The following SLC24A3 variants were observed in gnomAD, a reference collection of about 807,000 sequenced individuals.
The protein encoded by SLC24A3 is sodium/potassium/calcium exchanger 3.
In SLC24A3, 28 loss-of-function variants were observed where a neutral mutation model predicts 75.8. That is an observed-to-expected ratio of 0.37 (90% confidence interval 0.27 to 0.51). The LOEUF is 0.51. Among genes scored for constraint, SLC24A3 ranks in the 20% least tolerant of loss-of-function variants. The pLI is 0.94. For missense variants in SLC24A3, 663 were observed against 847.8 expected (o/e 0.78, Z 2.71); for synonymous variants, 372 against 334.1 (o/e 1.11, Z -1.24).
At chr20:19,582,791 A>G (rs1458004807) in intron 4 of SLC24A3, among the ~76,000 whole-genome samples, 2 of 152,186 alleles carry the variant, frequency 1.3e-5, no homozygotes, top group Non-Finnish European at 2.9e-5. Flanking sequence ...CATTTCAGGA[A>G]GAAGAGTGAA....
At chr20:19,684,623 C>T (rs915058954) in intron 11 of SLC24A3, among the ~76,000 whole-genome samples, 1 of 152,158 alleles carries the variant, frequency 6.6e-6, no homozygotes, top group African/African-American at 2.4e-5. Context: ...AATAAAGCCC[C>T]CTGATATGAA....
At chr20:19,661,023 G>A (rs576785182) in intron 7 of SLC24A3, among the ~76,000 whole-genome samples, 15 of 152,308 alleles carry the variant, frequency 9.8e-5, no homozygotes, top group African/African-American at 3.1e-4. Flanking sequence ...TGCTTGGACA[G>A]GGAAGTGCAT....
At chr20:19,360,806 A>G (rs905175539) in intron 2 of SLC24A3, among the ~76,000 whole-genome samples, 3 of 151,508 alleles carry the variant, frequency 2.0e-5, no homozygotes, top group Non-Finnish European at 2.9e-5. Context: ...TCAAAACCCT[A>G]TTGAAGTACT....
chr20:19,411,897 A>G (rs981657179), intron 2 of SLC24A3, among the ~76,000 whole-genome samples: 1 of 152,142 alleles, frequency 6.6e-6, no homozygotes, highest in Non-Finnish European at 1.5e-5. Context: ...CTTTGTGTTC[A>G]TCTCAGGACT....
At chr20:19,713,046 T>C (rs921548029) in intron 15 of SLC24A3, among the ~76,000 whole-genome samples, 7 of 152,234 alleles carry the variant, frequency 4.6e-5, no homozygotes, top group Admixed American at 3.3e-4. Flanking sequence ...CATGGGTGTA[T>C]GCATTTCTCA....
intron 2 of SLC24A3, among the ~76,000 whole-genome samples, chr20:19,459,120 A>G (rs1420571606): frequency 1.3e-5 from 2 of 152,196 alleles, no homozygotes; most frequent in Non-Finnish European, 2.9e-5. Context: ...CAAGATTGAT[A>G]TGTGTGATAC....
In SLC24A3 at chr20:19,681,689, GC is replaced by G. The variant is rs556536957; in HGVS notation, c.768-168del. Among the ~76,000 whole-genome samples, 574 of 152,294 alleles carry G rather than the reference GC, an allele frequency of 3.8e-3. 5 individuals are homozygous for G. Among genetic ancestry groups the G allele is most frequent in the African/African-American group, 0.013 (529 of 41,574 alleles). On this transcript the variant is annotated intron_variant, in intron 9 of 16. Coordinates refer to ENST00000328041, the MANE Select transcript of SLC24A3 (RefSeq NM_020689.4). ...GTTCATAAATTGGGAAATGGGACAG[GC>G]TTGTATATTCTGAGGGGGAATGGGT...
At chr20:19,395,134 C>T (rs1233277696) in intron 2 of SLC24A3, among the ~76,000 whole-genome samples, 3 of 152,174 alleles carry the variant, frequency 2.0e-5, no homozygotes, top group Non-Finnish European at 4.4e-5. Flanking sequence ...GCATCAGGTA[C>T]AGGCCGACTC....
At chr20:19,244,176 A>G (rs925058861) in intron 1 of SLC24A3, 6 of 152,158 alleles carry the variant, frequency 3.9e-5, no homozygotes, top group Admixed American at 3.9e-4. Flanking sequence ...TCAAGGGGTC[A>G]TCCTAATAGC....
At chr20:19,522,131 A>T (rs909596285) in intron 3 of SLC24A3, among the ~76,000 whole-genome samples, 3 of 152,122 alleles carry the variant, frequency 2.0e-5, no homozygotes, top group Admixed American at 6.5e-5. Context: ...ACTTTTTTTT[A>T]AATTAACATA....
At chr20:19,275,021 A>G (rs1031950398) in intron 1 of SLC24A3, among the ~76,000 whole-genome samples, 12 of 152,220 alleles carry the variant, frequency 7.9e-5, no homozygotes, top group Non-Finnish European at 1.8e-4. Context: ...TCGGCTTTAC[A>G]AGACTCAGTT....
At chr20:19,334,475 T>G (rs1301806646) in intron 2 of SLC24A3, among the ~76,000 whole-genome samples, 1 of 152,222 alleles carries the variant, frequency 6.6e-6, no homozygotes, top group African/African-American at 2.4e-5. Context: ...ACTTAATTTT[T>G]TTCTGAGCTC....
At chr20:19,440,013 T>C (rs1419861024) in intron 2 of SLC24A3, among the ~76,000 whole-genome samples, 1 of 152,234 alleles carries the variant, frequency 6.6e-6, no homozygotes, top group East Asian at 1.9e-4. Flanking sequence ...ATGGATTTAT[T>C]ATATTTCACT....
chr20:19,552,818 T>C (rs2030718358), intron 3 of SLC24A3, among the ~76,000 whole-genome samples: 1 of 152,132 alleles, frequency 6.6e-6, no homozygotes, highest in Admixed American at 6.5e-5. Context: ...CCAGTGTCAG[T>C]TTCTGTGACA....
chr20:19,600,468 T>A lies in SLC24A3; in HGVS notation c.612+14924T>A, dbSNP rs550308287. Among the ~76,000 whole-genome samples, 9 of 152,314 alleles carry A rather than the reference T, an allele frequency of 5.9e-5. No individual in the cohort carries two copies. The South Asian group carries it at 1.7e-3, about 28-fold the overall frequency. ...CAATAAAATAAAAGAATTGTGCACA[T>A]CTGTCATCTCACATAAATAAAAATG... On this transcript the variant is annotated intron_variant, in intron 6 of 16. Transcript: ENST00000328041.
intron 6 of SLC24A3, among the ~76,000 whole-genome samples, chr20:19,613,473 G>C (rs1406282049): frequency 6.6e-6 from 1 of 152,088 alleles, no homozygotes; most frequent in East Asian, 1.9e-4. Flanking sequence ...TTCTTTTTTA[G>C]AGTATCTTGC....
intron 3 of SLC24A3, among the ~76,000 whole-genome samples, chr20:19,559,003 G>A (rs1412635065): frequency 1.3e-5 from 2 of 152,136 alleles, no homozygotes; most frequent in African/African-American, 4.8e-5. Flanking sequence ...AAATACCTGG[G>A]AGTGCCATGT....
At chr20:19,548,389 G>T (rs753563514) in intron 3 of SLC24A3, among the ~76,000 whole-genome samples, 4 of 152,182 alleles carry the variant, frequency 2.6e-5, no homozygotes, top group African/African-American at 4.8e-5. Context: ...ATTTAACAAT[G>T]AGATGTTATG....
chr20:19,446,411 C>T (rs1404147688), intron 2 of SLC24A3, among the ~76,000 whole-genome samples: 2 of 152,186 alleles, frequency 1.3e-5, no homozygotes, highest in East Asian at 3.8e-4. Context: ...GTTAATTCTC[C>T]ATCCATGGAT....
Sources: allele counts gnomAD v4.1 joint callset (sites outside exome capture counted in the v4.1 genomes callset), GRCh38; gene constraint gnomAD v4.1.1; transcripts MANE v1.5; gene names NCBI Gene and HGNC (gene_info 2026-07-23, HGNC 2026-07-21).